The following UMOD variants were observed in gnomAD, a reference collection of about 807,000 sequenced individuals.
UMOD encodes the protein uromodulin.
Under a neutral mutation model 66.0 loss-of-function variants are expected in UMOD, and 64 were observed. That is an observed-to-expected ratio of 0.97 (90% confidence interval 0.79 to 1.19). UMOD has a LOEUF of 1.19. Ranked by LOEUF, UMOD falls within the 50% of genes most tolerant of loss-of-function variation. UMOD has a pLI of 0.00. For synonymous variants in UMOD, 398 were observed against 352.7 expected, an observed-to-expected ratio of 1.13 and a Z score of -1.44; for missense variants, 764 against 850.9, an observed-to-expected ratio of 0.90 and a Z score of 1.27.
intron 5 of UMOD, among the ~76,000 whole-genome samples, 180 bp from the exon 6 acceptor site, chr16:20,344,352 C>T (rs896417223): frequency 1.3e-5 from 2 of 152,146 alleles, no homozygotes; most frequent in Non-Finnish European, 2.9e-5. Flanking sequence ...CTTGTAATCC[C>T]AGCACTTTGG....
intron 4 of UMOD, among the ~76,000 whole-genome samples, chr16:20,347,403 T>C (rs1202168360): frequency 6.6e-6 from 1 of 152,264 alleles, no homozygotes; most frequent in Admixed American, 6.5e-5. Context: ...AGAATTCTTG[T>C]TTAATTTTTT....
At chr16:20,345,272 C>A (rs188065417) in intron 5 of UMOD, among the ~76,000 whole-genome samples, 2 of 152,204 alleles carry the variant, frequency 1.3e-5, no homozygotes, top group Non-Finnish European at 2.9e-5. Flanking sequence ...CCTCGGCCCC[C>A]CAAAGTGCTG....
chr16:20,353,337 G>A (rs906934462), upstream of UMOD, among the ~76,000 whole-genome samples: 1 of 152,178 alleles, frequency 6.6e-6, no homozygotes, highest in African/African-American at 2.4e-5. Context: ...CCCTTTGGAG[G>A]CGAAATAAAT....
chr16:20,341,512 A>G (rs556996214), intron 6 of UMOD, among the ~76,000 whole-genome samples, 176 bp from the exon 7 acceptor site: 4 of 152,348 alleles, frequency 2.6e-5, no homozygotes, highest in East Asian at 3.9e-4. Context: ...ACGCAGGTCA[A>G]CTTGGGATCT....
intron 2 of UMOD, 120 bp from the exon 3 acceptor site, chr16:20,349,332 C>A: frequency 8.7e-7 from 1 of 1,143,862 alleles, no homozygotes; most frequent in Non-Finnish European, 1.3e-6. Context: ...AGAGGGCTCC[C>A]TCCAAAACAA....
chr16:20,349,581 G>A, intron 2 of UMOD: 1 of 1,273,092 alleles, frequency 7.9e-7, no homozygotes, highest in Non-Finnish European at 1.0e-6. Context: ...TTCCCAAAAA[G>A]TTGGGACCAC....
At chr16:20,350,561 C>T in intron 2 of UMOD, 89 bp downstream of exon 2, 1 of 1,514,078 alleles carries the variant, frequency 6.6e-7, no homozygotes, top group Non-Finnish European at 9.1e-7. Flanking sequence ...ATTGAGATCA[C>T]CTCTGACAGG....
chr16:20,350,699 C>A lies in UMOD; in HGVS notation c.39G>T (p.Val13=), dbSNP rs1316414108. 8 of 1,614,040 alleles carry A rather than the reference C, an allele frequency of 5.0e-6. No individual in the cohort carries two copies. The highest frequency in any genetic ancestry group is 6.8e-6 in the Non-Finnish European group (8 of 1,180,032). The change falls in exon 2 of 11, where the codon GTG becomes GTT. Residue 13 remains valine, a synonymous_variant. Transcript: ENST00000396138. The stretch of plus-strand genomic sequence containing the variant: ...CAGTTGTGATGAACCAAGAGGCCAC[C>A]ACCACCATCAGCATCCAAGTCAGAG... The part of the protein sequence containing the change: ...QPSLTWMLMV[V]VASWFITTAA...
intron 3 of UMOD, 22 bp from the exon 4 acceptor site, chr16:20,348,352 C>G (rs1965700550): frequency 1.2e-6 from 2 of 1,614,214 alleles, no homozygotes; most frequent in African/African-American, 1.3e-5. Context: ...CAGGGACAGA[C>G]AGACAATCAA....
At chr16:20,350,912 T>C in intron 1 of UMOD, 73 bp from the exon 2 acceptor site, 1 of 1,446,644 alleles carries the variant, frequency 6.9e-7, no homozygotes, top group Non-Finnish European at 9.2e-7. Context: ...GTGCTTTGAT[T>C]GTATAGTATA....
chr16:20,344,566 G>A (rs996234060), intron 5 of UMOD, among the ~76,000 whole-genome samples: 11 of 145,662 alleles, frequency 7.6e-5, no homozygotes, highest in Non-Finnish European at 1.5e-4. Flanking sequence ...TCGTGCCACT[G>A]CACTTTAGCC....
Position 20,348,589 on chromosome 16 carries a change from T to C in UMOD, c.712A>G (p.Ser238Gly). The change falls in exon 3 of 11, where the codon AGC becomes GGC. Residue 238 changes from serine to glycine, a missense_variant. By Grantham distance (56) the Ser-to-Gly change is moderately conservative (BLOSUM62 0). Transcript: ENST00000396138. ...TTGCGGCTCACGATGCCCTCGTCGC[T>C]GGACGGATGCGTGCCATTGAGCCAC... The part of the protein sequence containing the change: ...PMWLNGTHPS[S>G]DEGIVSRKAC... 1.3e-6 allele frequency: 2 copies of C among 1,592,992 alleles called. No individual in the cohort carries two copies. The highest frequency in any genetic ancestry group is 2.2e-5 in the South Asian group (2 of 89,162).
chr16:20,346,627 T>G (rs911249774), intron 4 of UMOD, among the ~76,000 whole-genome samples: 3 of 152,076 alleles, frequency 2.0e-5, no homozygotes, highest in African/African-American at 7.2e-5. Context: ...TAACAATGAA[T>G]ACTCGTTTAA....
intron 2 of UMOD, 43 bp downstream of exon 2, chr16:20,350,607 C>A (rs760979840): frequency 1.2e-6 from 2 of 1,607,612 alleles, no homozygotes; most frequent in Non-Finnish European, 1.7e-6. Context: ...CACACATACA[C>A]GTGCATACAC....
At chr16:20,338,913 C>T (rs1400522734) in intron 7 of UMOD, among the ~76,000 whole-genome samples, 1 of 152,088 alleles carries the variant, frequency 6.6e-6, no homozygotes, top group Non-Finnish European at 1.5e-5. Context: ...GCGCCCACCA[C>T]CATGCCTGTC....
intron 8 of UMOD, 105 bp downstream of exon 8, chr16:20,337,186 C>G (rs1964922393): frequency 3.4e-6 from 5 of 1,455,378 alleles, no homozygotes. Context: ...CTCATTCTAT[C>G]CCTCTGGTAA....
chr16:20,344,460 G>A (rs538159663), intron 5 of UMOD, among the ~76,000 whole-genome samples: 9 of 151,994 alleles, frequency 5.9e-5, no homozygotes, highest in East Asian at 1.9e-4. Flanking sequence ...AAAAGTAGCC[G>A]GGCGTGGTGG....
upstream of UMOD, chr16:20,352,854 T>G (rs955892017): frequency 5.8e-6 from 4 of 684,832 alleles, no homozygotes; most frequent in Non-Finnish European, 6.1e-6. Context: ...AATGTTTGCC[T>G]TGTCCAAGCT....
chr16:20,336,725 G>C lies in UMOD; in HGVS notation c.1743C>G (p.Thr581=). The change falls in exon 9 of 11, where the codon ACC becomes ACG. Residue 581 remains threonine (T), a splice_region_variant and synonymous_variant. Coordinates refer to ENST00000396138, the MANE Select transcript of UMOD (RefSeq NM_003361.4). ...CDTMNEKCKP[T]CSGTRFRSGS... is the part of the protein sequence containing the mutation. ...CACTTCGGAATCTGGTCCCAGAGCA[G>C]GTCTACAGGGAGAGGGCAATAGAAA... 1 of 1,614,020 alleles carries C rather than the reference G, an allele frequency of 6.2e-7. No homozygotes were observed. Among genetic ancestry groups the C allele is most frequent in the Admixed American group, 1.7e-5 (1 of 60,024 alleles).
Sources: allele counts gnomAD v4.1 joint callset (sites outside exome capture counted in the v4.1 genomes callset), GRCh38; gene constraint gnomAD v4.1.1; transcripts MANE v1.5; gene names NCBI Gene and HGNC (gene_info 2026-07-23, HGNC 2026-07-21).